ARAP2: variants seen among roughly 807,000 people sequenced by gnomAD.
ARAP2 encodes arf-GAP with Rho-GAP domain, ANK repeat and PH domain-containing protein 2.
ARAP2 carries 148 observed loss-of-function variants against 194.5 expected under a neutral mutation model. The observed-to-expected ratio is 0.76, with a 90% CI of 0.67 to 0.87. ARAP2 has a LOEUF of 0.87. Among genes scored for constraint, ARAP2 ranks in the 40% least tolerant of loss-of-function variants. The pLI is 0.00. For missense variants in ARAP2, 2,128 were observed against 1,989.7 expected (o/e 1.07, Z -1.32); for synonymous variants, 695 against 683.5 (o/e 1.02, Z -0.26).
chr4:36,235,552 C>T (rs995211120), intron 1 of ARAP2, among the ~76,000 whole-genome samples: 1 of 152,224 alleles, frequency 6.6e-6, no homozygotes, highest in African/African-American at 2.4e-5. Context: ...CTTATCCTTG[C>T]TTTATCTGTC....
chr4:36,101,391 C>CCA (rs1309323844), intron 27 of ARAP2, among the ~76,000 whole-genome samples: 1 of 30,034 alleles, frequency 3.3e-5, no homozygotes, highest in African/African-American at 1.0e-4. Flanking sequence ...TACAAAAGTA[C>CCA]CAGAGTTTTT....
At chr4:36,065,135 A>G (rs1196149480), downstream of ARAP2, 2 of 287,246 alleles carry the variant, frequency 7.0e-6, no homozygotes, top group Admixed American at 3.5e-5. Context: ...TGACTTCTTC[A>G]GCCTCTTCTT....
intron 6 of ARAP2, among the ~76,000 whole-genome samples, chr4:36,199,676 GT>G: frequency 6.6e-6 from 1 of 152,164 alleles, no homozygotes; most frequent in African/African-American, 2.4e-5. Flanking sequence ...TTCTATGAGT[GT>G]ATTTTTTTTA....
At chr4:36,060,173 T>C (rs894224646) in intron 1 of ARAP2, among the ~76,000 whole-genome samples, 1 of 152,120 alleles carries the variant, frequency 6.6e-6, no homozygotes, top group African/African-American at 2.4e-5. Flanking sequence ...TGTAGTCTAG[T>C]GTATTGGTTG....
chr4:36,115,145 T>C (rs1443178237), intron 25 of ARAP2, among the ~76,000 whole-genome samples: 1 of 152,048 alleles, frequency 6.6e-6, no homozygotes, highest in Non-Finnish European at 1.5e-5. Context: ...CCCATAAGCA[T>C]ATTGCACATA....
At chr4:36,197,309 C>T (rs1490241926) in intron 6 of ARAP2, among the ~76,000 whole-genome samples, 1 of 152,140 alleles carries the variant, frequency 6.6e-6, no homozygotes, top group Non-Finnish European at 1.5e-5. Flanking sequence ...ATCATAGTTC[C>T]TCACGTACAG....
chr4:36,048,390 A>C (rs1722156232), intron 3 of ARAP2, among the ~76,000 whole-genome samples: 1 of 152,080 alleles, frequency 6.6e-6, no homozygotes, highest in Non-Finnish European at 1.5e-5. Flanking sequence ...AGTAGTCCAC[A>C]GTGTCTATTT....
At chr4:36,065,011 A>G, downstream of ARAP2, 1 of 169,514 alleles carries the variant, frequency 5.9e-6, no homozygotes. Flanking sequence ...CTGGAGAGGG[A>G]GAAGGCAGAG....
At chr4:36,230,606 G>C (rs904089630) in intron 1 of ARAP2, among the ~76,000 whole-genome samples, 1 of 152,154 alleles carries the variant, frequency 6.6e-6, no homozygotes, top group Non-Finnish European at 1.5e-5. Context: ...CATTTTTCCA[G>C]ATGCTAATTA....
chr4:36,112,145 G>C (rs1481684493), intron 26 of ARAP2, among the ~76,000 whole-genome samples: 1 of 151,876 alleles, frequency 6.6e-6, no homozygotes, highest in Non-Finnish European at 1.5e-5. Flanking sequence ...GGTCCAGAAT[G>C]CATCTACTTT....
intron 32 of ARAP2, among the ~76,000 whole-genome samples, chr4:36,073,105 T>C (rs1464882924): frequency 2.0e-5 from 3 of 152,152 alleles, no homozygotes; most frequent in Admixed American, 2.0e-4. Flanking sequence ...AAACAGCCTA[T>C]GTTCTTTGCT....
chr4:36,076,178 A>G (rs1179425530), intron 31 of ARAP2, among the ~76,000 whole-genome samples: 1 of 152,178 alleles, frequency 6.6e-6, no homozygotes, highest in Non-Finnish European at 1.5e-5. Context: ...AATGGGTCAT[A>G]AATTTAGGTG....
chr4:36,151,195 G>T, intron 15 of ARAP2, 151 bp from the exon 16 acceptor site: 1 of 704,528 alleles, frequency 1.4e-6, no homozygotes, highest in Non-Finnish European at 2.2e-6. Context: ...TGCTGCATGG[G>T]ATATAAAGTT....
chr4:36,168,779 A>G (rs1735891754), intron 9 of ARAP2, among the ~76,000 whole-genome samples: 1 of 152,224 alleles, frequency 6.6e-6, no homozygotes, highest in African/African-American at 2.4e-5. Flanking sequence ...AAAGATGCAG[A>G]GAAATGCTGA....
intron 27 of ARAP2, among the ~76,000 whole-genome samples, chr4:36,101,129 G>C (rs1716792615): frequency 6.6e-6 from 1 of 152,112 alleles, no homozygotes; most frequent in African/African-American, 2.4e-5. Context: ...GATGTGCGTA[G>C]ATTACATGCA....
At chr4:36,165,329 T>C (rs1221923301) in intron 10 of ARAP2, among the ~76,000 whole-genome samples, 1 of 152,348 alleles carries the variant, frequency 6.6e-6, no homozygotes, top group African/African-American at 2.4e-5. Context: ...TTTATGCATC[T>C]TGAACCAAAA....
chr4:36,163,415 C>T (rs962768460), intron 11 of ARAP2, among the ~76,000 whole-genome samples: 5 of 151,866 alleles, frequency 3.3e-5, no homozygotes, highest in African/African-American at 1.2e-4. Flanking sequence ...AGGTAAAATA[C>T]GTTGGTAAAT....
intron 27 of ARAP2, among the ~76,000 whole-genome samples, chr4:36,094,662 G>A (rs1040395355): frequency 2.0e-5 from 3 of 152,174 alleles, no homozygotes; most frequent in South Asian, 2.1e-4. Context: ...AAGGCATGAA[G>A]TGTTAACACA....
intron 2 of ARAP2, among the ~76,000 whole-genome samples, chr4:36,056,179 A>G (rs1274908166): frequency 1.3e-5 from 2 of 152,214 alleles, no homozygotes; most frequent in Non-Finnish European, 2.9e-5. Context: ...TCTTTTATCA[A>G]TGTAACCATT....
Sources: gnomAD v4.1 joint callset for allele counts (sites outside exome capture counted in the v4.1 genomes callset) on GRCh38, gnomAD v4.1.1 for gene constraint, MANE v1.5 for transcripts, NCBI Gene and HGNC (gene_info 2026-07-23, HGNC 2026-07-21) for gene names.